The following MID1 variants were observed in gnomAD, a reference collection of about 807,000 sequenced individuals.
MID1 encodes the protein E3 ubiquitin-protein ligase Midline-1.
Under a neutral mutation model 40.4 loss-of-function variants are expected in MID1, and 7 were observed. The observed-to-expected ratio is 0.17, with a 90% confidence interval of 0.10 to 0.33. MID1 has a LOEUF of 0.33. Among genes scored for constraint, MID1 ranks in the 10% least tolerant of loss-of-function variants. The pLI is 1.00. For synonymous variants in MID1, 229 were observed against 221.2 expected (o/e 1.04, Z -0.31); for missense variants, 367 against 558.5 (o/e 0.66, Z 3.46).
chrX:10,684,083 T>C (rs1408022447), intron 1 of MID1, among the ~76,000 whole-genome samples: 3 of 110,817 alleles, frequency 2.7e-5, no homozygotes, highest in Non-Finnish European at 5.7e-5. Flanking sequence ...CTTCATCCTT[T>C]AAAAAAGATT....
intron 1 of MID1, among the ~76,000 whole-genome samples, chrX:10,728,194 C>CCCG (rs1569156735): frequency 9.0e-6 from 1 of 110,779 alleles, no homozygotes; most frequent in African/African-American, 3.3e-5. Flanking sequence ...AACTTTTCCC[C>CCCG]CCCCAGGAAA....
At chrX:10,615,521 CT>C (rs1194593686) in intron 1 of MID1, among the ~76,000 whole-genome samples, 1 of 112,087 alleles carries the variant, frequency 8.9e-6, no homozygotes, top group Non-Finnish European at 1.9e-5. Context: ...CTCAGAACCT[CT>C]CTTTCATAGC....
intron 1 of MID1, among the ~76,000 whole-genome samples, chrX:10,637,541 C>T (rs779383791): frequency 1.4e-4 from 15 of 108,692 alleles, no homozygotes; most frequent in Admixed American, 8.9e-4. Context: ...AGGACAATCG[C>T]TTGAACCCAG....
At chrX:10,816,713 T>C (rs1407011111) in intron 1 of MID1, among the ~76,000 whole-genome samples, 1 of 112,343 alleles carries the variant, frequency 8.9e-6, no homozygotes, top group East Asian at 2.8e-4. Context: ...AATTTTACCA[T>C]GGACATTATT....
chrX:10,628,081 G>GTT (rs781076710), intron 1 of MID1, among the ~76,000 whole-genome samples: 1 of 107,584 alleles, frequency 9.3e-6, no homozygotes, highest in African/African-American at 3.4e-5. Flanking sequence ...CATGGTGTGT[G>GTT]TTTTTTTTTA....
intron 1 of MID1, among the ~76,000 whole-genome samples, chrX:10,601,983 G>A (rs1281880401): frequency 1.9e-5 from 2 of 106,431 alleles, no homozygotes; most frequent in East Asian, 3.0e-4. Context: ...TGCAAGCTCC[G>A]CCTCCCGGGT....
intron 1 of MID1, among the ~76,000 whole-genome samples, chrX:10,725,417 G>A (rs912978238): frequency 9.0e-6 from 1 of 111,433 alleles, no homozygotes. Context: ...TATTTTTCCC[G>A]AGGGAAAAAA....
intron 1 of MID1, among the ~76,000 whole-genome samples, chrX:10,616,903 A>G (rs2035453860): frequency 8.9e-6 from 1 of 112,707 alleles, no homozygotes. Flanking sequence ...TTAAAATTCC[A>G]GTTAGTTACT....
chrX:10,533,472 T>TAAAAA (rs201138973), intron 2 of MID1, among the ~76,000 whole-genome samples: 1 of 91,423 alleles, frequency 1.1e-5, no homozygotes, highest in African/African-American at 4.0e-5. Flanking sequence ...ATGTGGATGG[T>TAAAAA]AAAAAAAAAA....
chrX:10,763,836 T>C (rs1230197378), intron 1 of MID1, among the ~76,000 whole-genome samples: 1 of 112,021 alleles, frequency 8.9e-6, no homozygotes, highest in Non-Finnish European at 1.9e-5. Flanking sequence ...TGTTGTTTCC[T>C]GACTTTTGAA....
intron 1 of MID1, among the ~76,000 whole-genome samples, chrX:10,584,593 A>G (rs1935095122): frequency 8.9e-6 from 1 of 112,739 alleles, no homozygotes; most frequent in Non-Finnish European, 1.9e-5. Flanking sequence ...AGATGAGTTA[A>G]GACTAGATCC....
At chrX:10,747,420 T>G (rs2043565939) in intron 1 of MID1, among the ~76,000 whole-genome samples, 1 of 112,427 alleles carries the variant, frequency 8.9e-6, no homozygotes, top group Admixed American at 9.4e-5. Context: ...ATGTGCTCAT[T>G]TAAGTGATAC....
intron 1 of MID1, among the ~76,000 whole-genome samples, chrX:10,572,889 G>A (rs1168972261): frequency 9.0e-6 from 1 of 111,567 alleles, no homozygotes; most frequent in Non-Finnish European, 1.9e-5. Context: ...GAATGAAAGG[G>A]GAGAGAGCTG....
At chrX:10,781,936 A>G (rs1343937596) in intron 1 of MID1, among the ~76,000 whole-genome samples, 1 of 112,121 alleles carries the variant, frequency 8.9e-6, no homozygotes, top group African/African-American at 3.2e-5. Flanking sequence ...TGCCATTTTA[A>G]ATGCCCATCT....
chrX:10,717,277 A>G (rs1192895165), intron 1 of MID1, among the ~76,000 whole-genome samples: 40 of 109,965 alleles, frequency 3.6e-4, no homozygotes, highest in Admixed American at 6.9e-4. Context: ...AAGACTCATC[A>G]GTGTGCTGCA....
At chrX:10,748,501 C>A (rs1037523207) in intron 1 of MID1, among the ~76,000 whole-genome samples, 1 of 111,684 alleles carries the variant, frequency 9.0e-6, no homozygotes. Context: ...TTGAGGTAAA[C>A]TTTTCTCTTA....
chrX:10,606,199 A>C (rs1359957453), intron 1 of MID1, among the ~76,000 whole-genome samples: 1 of 111,404 alleles, frequency 9.0e-6, no homozygotes, highest in African/African-American at 3.3e-5. Flanking sequence ...TATAAGATAC[A>C]TATTTTAATT....
intron 1 of MID1, among the ~76,000 whole-genome samples, chrX:10,633,626 A>AT (rs774669319): frequency 7.3e-5 from 8 of 109,375 alleles, no homozygotes; most frequent in African/African-American, 2.3e-4. Context: ...TAATTTTTAA[A>AT]TTTTTTTTGT....
At chrX:10,472,329 T>C (rs1929756673) in intron 6 of MID1, among the ~76,000 whole-genome samples, 1 of 112,654 alleles carries the variant, frequency 8.9e-6, no homozygotes, top group Non-Finnish European at 1.9e-5. Flanking sequence ...CCATATGGCC[T>C]TTAGTTTGAA....
Sources: allele counts gnomAD v4.1 joint callset (sites outside exome capture counted in the v4.1 genomes callset), GRCh38; gene constraint gnomAD v4.1.1; transcripts MANE v1.5; gene names NCBI Gene and HGNC (gene_info 2026-07-23, HGNC 2026-07-21).